The following TASP1 variants were observed in gnomAD, a reference collection of about 807,000 sequenced individuals.
TASP1 encodes the protein taspase 1.
Under a neutral mutation model 56.6 loss-of-function variants are expected in TASP1, and 16 were observed. That is an observed-to-expected ratio of 0.28 (90% CI 0.19 to 0.43). TASP1 has a LOEUF of 0.43. Ranked by LOEUF, TASP1 falls within the 20% of genes least tolerant of loss-of-function variation. The pLI, the probability that TASP1 is intolerant of heterozygous loss-of-function variation, is 1.00. For synonymous variants in TASP1, 179 were observed against 184.2 expected (o/e 0.97, Z 0.23); for missense variants, 393 against 511.6 (o/e 0.77, Z 2.24).
the TASP1 span, among the ~76,000 whole-genome samples, chr20:13,331,075 T>G: frequency 6.6e-6 from 1 of 152,166 alleles, no homozygotes; most frequent in Non-Finnish European, 1.5e-5. Context: ...TTTTTTCTTG[T>G]TTTAAGGTTG....
At chr20:13,544,831 A>C (rs1169963908) in intron 8 of TASP1, among the ~76,000 whole-genome samples, 1 of 152,186 alleles carries the variant, frequency 6.6e-6, no homozygotes, top group Non-Finnish European at 1.5e-5. Context: ...GCCAGCCTTT[A>C]AACTGAGTCT....
At chr20:13,564,961 C>T (rs956172972) in intron 7 of TASP1, among the ~76,000 whole-genome samples, 6 of 148,132 alleles carry the variant, frequency 4.1e-5, no homozygotes, top group East Asian at 2.0e-4. Context: ...AGCAGAGGAT[C>T]GCACCATTGC....
At chr20:13,173,641 T>A in the TASP1 span, among the ~76,000 whole-genome samples, 15 of 152,154 alleles carry the variant, frequency 9.9e-5, no homozygotes, top group Non-Finnish European at 1.8e-4. Context: ...CTGGCCCATA[T>A]GCTCCTCAGG....
the TASP1 span, among the ~76,000 whole-genome samples, chr20:13,197,276 A>G: frequency 6.6e-6 from 1 of 152,228 alleles, no homozygotes; most frequent in Non-Finnish European, 1.5e-5. Context: ...ACACAGACCT[A>G]GCTCACGAGA....
At chr20:13,109,510 A>C in the TASP1 span, among the ~76,000 whole-genome samples, 1 of 152,208 alleles carries the variant, frequency 6.6e-6, no homozygotes. Context: ...GTATGACAAA[A>C]ACTGAGCTTA....
At chr20:13,307,400 A>G in the TASP1 span, among the ~76,000 whole-genome samples, 5 of 152,226 alleles carry the variant, frequency 3.3e-5, no homozygotes, top group Non-Finnish European at 7.3e-5. Context: ...ACCAACACCA[A>G]GAAAAAACAG....
chr20:13,255,455 G>T, the TASP1 span, among the ~76,000 whole-genome samples: 2 of 152,148 alleles, frequency 1.3e-5, no homozygotes, highest in Non-Finnish European at 2.9e-5. Flanking sequence ...AAAAAGAAAA[G>T]AAGTATATAT....
In TASP1 at chr20:13,580,985, T is replaced by TAAA. The variant is rs71334133; in HGVS notation, c.404-7_404-5dup. 0.031 allele frequency: 44,660 copies of TAAA among 1,446,802 alleles called. 17 individuals carry two copies. Among genetic ancestry groups the TAAA allele is most frequent in the Non-Finnish European group, 0.033 (35,580 of 1,074,272 alleles). The allele number at this position is 1,446,802 out of a possible 1,614,324, so 89.6% of individuals were successfully genotyped here. A position where few individuals can be genotyped will look rare whatever the true frequency, so the allele number is the denominator to read the frequency against. On this transcript the variant is annotated splice_region_variant and splice_polypyrimidine_tract_variant and intron_variant, in intron 5 of 13. Coordinates refer to ENST00000337743, the MANE Select transcript of TASP1 (RefSeq NM_017714.3). Reference sequence around the variant, plus strand: ...ACCGAGACTGGGTTCTTGATTCCTATAAAAAAAAAAAAAAAATTGGCAAAA... The same window carrying TAAA: ...ACCGAGACTGGGTTCTTGATTCCTATAAAAAAAAAAAAAAAAAAATTGGCAAAA...
chr20:13,486,961 C>A (rs944280774), intron 10 of TASP1, among the ~76,000 whole-genome samples: 2 of 152,096 alleles, frequency 1.3e-5, no homozygotes, highest in Non-Finnish European at 2.9e-5. Context: ...TTCTCTTCAA[C>A]AATGTACTGG....
At chr20:13,604,576 C>T (rs761357733) in intron 4 of TASP1, among the ~76,000 whole-genome samples, 4 of 152,230 alleles carry the variant, frequency 2.6e-5, no homozygotes, top group African/African-American at 7.2e-5. Flanking sequence ...TATAGCAATG[C>T]GAAAGCAACT....
chr20:13,306,564 C>CAAAAAGAAAAAA, the TASP1 span, among the ~76,000 whole-genome samples: 1 of 63,914 alleles, frequency 1.6e-5, no homozygotes, highest in Non-Finnish European at 2.6e-5. Flanking sequence ...GGAGAAAGGA[C>CAAAAAGAAAAAA]AAAAAAAAAA....
the TASP1 span, among the ~76,000 whole-genome samples, chr20:13,310,964 C>T: frequency 2.6e-5 from 4 of 152,112 alleles, no homozygotes; most frequent in South Asian, 2.1e-4. Flanking sequence ...GAGGCTGAGG[C>T]GAGTGGATCA....
chr20:13,293,463 T>A, the TASP1 span, among the ~76,000 whole-genome samples: 6 of 152,136 alleles, frequency 3.9e-5, no homozygotes, highest in South Asian at 1.0e-3. Context: ...CCTCTTCACC[T>A]CTGCCCTGCC....
At chr20:13,431,553 C>T (rs2042806973) in intron 12 of TASP1, among the ~76,000 whole-genome samples, 1 of 151,940 alleles carries the variant, frequency 6.6e-6, no homozygotes, top group Admixed American at 6.6e-5. Flanking sequence ...TATAAGAAGG[C>T]AAATGTTAAT....
chr20:13,308,039 T>C, the TASP1 span, among the ~76,000 whole-genome samples: 1 of 152,206 alleles, frequency 6.6e-6, no homozygotes, highest in Non-Finnish European at 1.5e-5. Flanking sequence ...TTAGGAGTGT[T>C]TGAAAGTTCC....
chr20:13,163,179 C>T, the TASP1 span, among the ~76,000 whole-genome samples: 1 of 151,832 alleles, frequency 6.6e-6, no homozygotes, highest in Non-Finnish European at 1.5e-5. Context: ...ACCAGCCTGG[C>T]CAACATGGTG....
At position 13,625,185 on chromosome 20, in the gene TASP1, C is replaced by G; in HGVS notation, c.213G>C (p.Lys71Asn). 1 of 1,608,498 alleles carries G rather than the reference C, an allele frequency of 6.2e-7. No homozygotes were observed. Residue 71 changes from lysine (K) to asparagine (N), a missense_variant and splice_region_variant, in exon 3 of 14, where the codon AAG becomes AAC. Physicochemically the swap from Lys to Asn is moderately conservative, Grantham distance 94. This residue lies in a region of TASP1 where 48 missense variants were observed against 106.2 expected (regional missense o/e 0.45). Coordinates refer to ENST00000337743, the MANE Select transcript of TASP1 (RefSeq NM_017714.3). ...YKHVCKRACQ[K>N]AIEKLQAGAL... ...CAGATCATACACATTGTGTTCATAC[C>G]TTCTGACAAGCTCGTTTGCATACAT... is the stretch of plus-strand genomic sequence containing the variant.
chr20:13,195,578 G>A, the TASP1 span, among the ~76,000 whole-genome samples: 10 of 152,082 alleles, frequency 6.6e-5, no homozygotes, highest in African/African-American at 1.2e-4. Context: ...TGCCCACTAC[G>A]GTAACTGGCT....
intron 6 of TASP1, among the ~76,000 whole-genome samples, chr20:13,575,100 TA>T (rs796171680): frequency 5.9e-5 from 9 of 152,136 alleles, no homozygotes; most frequent in African/African-American, 2.2e-4. Flanking sequence ...CAACAATATA[TA>T]AAAAGGATAA....
Sources: allele counts gnomAD v4.1 joint callset (sites outside exome capture counted in the v4.1 genomes callset), GRCh38; gene constraint gnomAD v4.1.1; regional missense constraint gnomAD v4.1.1; transcripts MANE v1.5; gene names NCBI Gene and HGNC (gene_info 2026-07-23, HGNC 2026-07-21).